Variants in NTN4 observed in about 807,000 individuals in gnomAD.
NTN4 encodes the protein netrin-4.
Under a neutral mutation model 73.6 loss-of-function variants are expected in NTN4, and 32 were observed. The observed-to-expected ratio is 0.44, with a 90% CI of 0.33 to 0.58. NTN4 has a LOEUF of 0.58. Ranked by LOEUF, NTN4 falls within the 20% of genes least tolerant of loss-of-function variation. NTN4 has a pLI of 0.04. For missense variants in NTN4, 654 were observed against 798.3 expected (o/e 0.82, Z 2.18); for synonymous variants, 258 against 287.5 (o/e 0.90, Z 1.04).
intron 5 of NTN4, among the ~76,000 whole-genome samples, chr12:95,690,611 T>C (rs889466389): frequency 1.3e-5 from 2 of 152,200 alleles, no homozygotes; most frequent in African/African-American, 4.8e-5. Context: ...TAAGAAATAA[T>C]TCATTTGGAT....
intron 7 of NTN4, among the ~76,000 whole-genome samples, chr12:95,679,703 A>G (rs1008982445): frequency 6.6e-6 from 1 of 152,222 alleles, no homozygotes; most frequent in African/African-American, 2.4e-5. Context: ...GCTGAATGTG[A>G]CTAGGGAAAA....
intron 9 of NTN4, among the ~76,000 whole-genome samples, chr12:95,660,243 G>A (rs563963639): frequency 6.6e-6 from 1 of 152,240 alleles, no homozygotes; most frequent in South Asian, 2.1e-4. Flanking sequence ...TCGAACTCCT[G>A]ACCTCAGGTG....
intron 9 of NTN4, 99 bp downstream of exon 9, chr12:95,665,711 C>T (rs570501222): frequency 4.5e-6 from 4 of 889,556 alleles, no homozygotes; most frequent in Non-Finnish European, 6.8e-6. Flanking sequence ...GAGAGATGTT[C>T]TTGCTGAGTT....
chr12:95,687,404 GTTTT>G (rs772101085), intron 5 of NTN4, among the ~76,000 whole-genome samples: 1 of 149,744 alleles, frequency 6.7e-6, no homozygotes, highest in Admixed American at 6.6e-5. Flanking sequence ...TTGTTTTTTT[GTTTT>G]TTTGTTTTTT....
chr12:95,768,655 C>T (rs1028193330), intron 2 of NTN4, among the ~76,000 whole-genome samples: 1 of 152,032 alleles, frequency 6.6e-6, no homozygotes, highest in Non-Finnish European at 1.5e-5. Context: ...GAGTTTCAAG[C>T]AAGGAAGTAA....
intron 3 of NTN4, among the ~76,000 whole-genome samples, chr12:95,728,210 AT>A (rs1232401518): frequency 1.3e-5 from 2 of 152,250 alleles, no homozygotes; most frequent in East Asian, 3.9e-4. Context: ...GTTTTCTATA[AT>A]CTAAGATTAT....
chr12:95,759,971 T>C (rs528908867), intron 2 of NTN4, among the ~76,000 whole-genome samples: 1 of 152,278 alleles, frequency 6.6e-6, no homozygotes, highest in African/African-American at 2.4e-5. Flanking sequence ...TCAATTTTTC[T>C]TTTGGTTAGG....
At chr12:95,770,437 G>A (rs1025159996) in intron 2 of NTN4, among the ~76,000 whole-genome samples, 5 of 152,264 alleles carry the variant, frequency 3.3e-5, no homozygotes, top group African/African-American at 9.6e-5. Context: ...GGAGAGTGAG[G>A]TGCCCGGCTC....
intron 5 of NTN4, among the ~76,000 whole-genome samples, chr12:95,697,228 C>T (rs1426847559): frequency 6.6e-6 from 1 of 152,024 alleles, no homozygotes; most frequent in East Asian, 1.9e-4. Context: ...GGACATTCTC[C>T]ACCCGTAAGT....
rs1368889840 is a variant in NTN4 at position 95,789,450 on chromosome 12, G to A, written c.55+805C>T. 6.6e-6 allele frequency among the ~76,000 whole-genome samples: 1 copy of A among 152,320 alleles called. No individual in the cohort carries two copies. Among genetic ancestry groups the A allele is most frequent in the East Asian group, 1.9e-4 (1 of 5,182 alleles). On this transcript the variant is annotated intron_variant, in intron 1 of 9. Coordinates refer to ENST00000343702, the MANE Select transcript of NTN4 (RefSeq NM_021229.4). This position sits in a 1 kb window ranked among gnomAD's most constrained non-coding sequence, Gnocchi z 4.0. ...CGCCTAACTGGAAACCAGGTGACCCGCAAGAGGGAGGGAGAGGAGCAGAAG... is the reference window on the plus strand; with the variant it reads ...CGCCTAACTGGAAACCAGGTGACCCACAAGAGGGAGGGAGAGGAGCAGAAG...
chr12:95,662,083 C>T (rs528741315), intron 9 of NTN4, among the ~76,000 whole-genome samples: 47 of 152,082 alleles, frequency 3.1e-4, no homozygotes, highest in Admixed American at 2.2e-3. Context: ...AAATATAATA[C>T]ATACACACAG....
chr12:95,701,599 G>C (rs572503257), intron 5 of NTN4, among the ~76,000 whole-genome samples: 1 of 152,202 alleles, frequency 6.6e-6, no homozygotes, highest in African/African-American at 2.4e-5. Context: ...GTGAGAACAG[G>C]GATGATTTAA....
At chr12:95,782,427 C>G (rs989279452) in intron 2 of NTN4, among the ~76,000 whole-genome samples, 2 of 151,990 alleles carry the variant, frequency 1.3e-5, no homozygotes, top group Non-Finnish European at 2.9e-5. Flanking sequence ...TCCCGAGTAG[C>G]TGGGATTACA....
At chr12:95,693,540 G>A (rs931955197) in intron 5 of NTN4, among the ~76,000 whole-genome samples, 1 of 151,936 alleles carries the variant, frequency 6.6e-6, no homozygotes, top group South Asian at 2.1e-4. Context: ...AGACCAGCCC[G>A]AGAAACATGG....
chr12:95,698,863 A>AG (rs2078461563), intron 5 of NTN4, among the ~76,000 whole-genome samples: 4 of 151,074 alleles, frequency 2.6e-5, no homozygotes, highest in Admixed American at 2.6e-4. Context: ...CCTCAAAAAA[A>AG]AAATAAAATA....
In NTN4 at chr12:95,776,536, C is replaced by T. The variant is rs1029628105; in HGVS notation, c.585+10403G>A. 7.9e-5 allele frequency among the ~76,000 whole-genome samples: 12 copies of T among 152,008 alleles called. No individual in the cohort carries two copies. In the South Asian group the frequency reaches 1.5e-3, roughly 18 times the overall value. ...CATGCATAAGCTTCAGTAGCCGATT[C>T]GATCAACTGGAAGAAAGGATATCAG... is the stretch of plus-strand genomic sequence containing the variant. On this transcript the variant is annotated intron_variant, in intron 2 of 9. Transcript: ENST00000343702.
chr12:95,725,006 A>AGGATTTTTCTTTT (rs1454896864), intron 3 of NTN4, among the ~76,000 whole-genome samples: 1 of 135,840 alleles, frequency 7.4e-6, no homozygotes, highest in Admixed American at 7.4e-5. Context: ...TGTCATCAGG[A>AGGATTTTTCTTTT]TTTTTTTTTT....
intron 5 of NTN4, among the ~76,000 whole-genome samples, chr12:95,698,478 T>C (rs1341575906): frequency 1.3e-5 from 2 of 152,200 alleles, no homozygotes; most frequent in African/African-American, 4.8e-5. Flanking sequence ...CACTTTCTTC[T>C]TGGAAGACAT....
In NTN4 at chr12:95,725,038, C is replaced by T. The variant is rs558337288; in HGVS notation, c.865-11700G>A. Among the ~76,000 whole-genome samples the T allele has an allele frequency of 5.5e-4, 82 of 149,166 alleles. 1 individual carries two copies. The highest frequency in any genetic ancestry group is 9.5e-4 in the Non-Finnish European group (64 of 67,148). ...TTTTTTTTTTGCTTCCCACAAACAC[C>T]TAAAATAACTTCTTATAATAGAATC... On this transcript the variant is annotated intron_variant, in intron 3 of 9. Transcript: ENST00000343702.
Sources: allele counts gnomAD v4.1 joint callset (sites outside exome capture counted in the v4.1 genomes callset), GRCh38; gene constraint gnomAD v4.1.1; non-coding constraint Gnocchi (gnomAD v3.1); transcripts MANE v1.5; gene names NCBI Gene and HGNC (gene_info 2026-07-23, HGNC 2026-07-21).